Variants in CADM2 observed in about 807,000 individuals in gnomAD.
CADM2 encodes the protein cell adhesion molecule 2, also known as immunoglobulin superfamily member 4D.
A neutral mutation model predicts 49.8 loss-of-function variants in CADM2; 12 were observed. The observed-to-expected ratio is 0.24, with a 90% CI of 0.15 to 0.39. The LOEUF is 0.39. Ranked by LOEUF, CADM2 falls within the 10% of genes least tolerant of loss-of-function variation. The pLI is 1.00. For synonymous variants in CADM2, 214 were observed against 175.4 expected (o/e 1.22, Z -1.74); for missense variants, 378 against 492.3 (o/e 0.77, Z 2.20).
At chr3:85,181,578 A>G (rs964699065) in intron 1 of CADM2, among the ~76,000 whole-genome samples, 2 of 152,026 alleles carry the variant, frequency 1.3e-5, no homozygotes, top group African/African-American at 4.8e-5. Context: ...ACTTTTTGGA[A>G]AACTTTAGCG....
chr3:85,223,937 AT>A (rs531790088), intron 1 of CADM2, among the ~76,000 whole-genome samples: 1,598 of 152,052 alleles, frequency 0.011, 13 homozygotes, highest in Admixed American at 0.024. Flanking sequence ...TGAACTCATC[AT>A]TTTTTTATGG....
In CADM2 at chr3:85,164,380, C is replaced by T. The variant is rs562737391; in HGVS notation, c.61+204712C>T. 2.6e-5 allele frequency among the ~76,000 whole-genome samples: 4 copies of T among 152,102 alleles called. No homozygotes were observed. The East Asian group carries it at 7.7e-4, about 29-fold the overall frequency. On this transcript the variant is annotated intron_variant, in intron 1 of 9. Transcript: ENST00000383699. Reference sequence around the variant, plus strand: ...ATCCATATTTTCTGCCTCTGAGAGGCCTTAAAGAGAATTGTGAAAGATGTG... The same window carrying T: ...ATCCATATTTTCTGCCTCTGAGAGGTCTTAAAGAGAATTGTGAAAGATGTG...
intron 1 of CADM2, among the ~76,000 whole-genome samples, chr3:85,687,935 C>T (rs1265389951): frequency 3.9e-5 from 6 of 152,300 alleles, no homozygotes; most frequent in Non-Finnish European, 7.3e-5. Context: ...GCATTGGGTT[C>T]TCATAGGAGC....
intron 1 of CADM2, among the ~76,000 whole-genome samples, chr3:85,319,616 A>G (rs1034819533): frequency 4.9e-5 from 6 of 121,682 alleles, no homozygotes; most frequent in African/African-American, 2.1e-4. Flanking sequence ...TGCAGCCATA[A>G]AAAAATGAGA....
At chr3:85,030,770 C>A (rs1231373402) in intron 1 of CADM2, among the ~76,000 whole-genome samples, 1 of 152,118 alleles carries the variant, frequency 6.6e-6, no homozygotes, top group Admixed American at 6.5e-5. Flanking sequence ...CCTCCATTAC[C>A]CTGGTTTGTG....
chr3:85,242,978 A>G (rs1320010088), intron 1 of CADM2, among the ~76,000 whole-genome samples: 2 of 151,750 alleles, frequency 1.3e-5, no homozygotes, highest in Non-Finnish European at 3.0e-5. Context: ...TAACTCATGT[A>G]TTGTTGTATT....
At chr3:85,422,436 C>A (rs1030023307) in intron 1 of CADM2, among the ~76,000 whole-genome samples, 1 of 152,016 alleles carries the variant, frequency 6.6e-6, no homozygotes, top group Non-Finnish European at 1.5e-5. Context: ...TGCCACCACG[C>A]CCGGCTAATT....
At chr3:85,002,788 T>C (rs1233927095) in intron 1 of CADM2, among the ~76,000 whole-genome samples, 2 of 152,020 alleles carry the variant, frequency 1.3e-5, no homozygotes, top group African/African-American at 4.8e-5. Flanking sequence ...CTTTTTTTCT[T>C]TGTTTCTTTT....
chr3:85,286,862 G>A (rs1197701485), intron 1 of CADM2, among the ~76,000 whole-genome samples: 2 of 151,954 alleles, frequency 1.3e-5, no homozygotes, highest in Non-Finnish European at 2.9e-5. Context: ...ATAAAAGAGA[G>A]CAAATACAAG....
chr3:85,435,960 C>T (rs13092627), intron 1 of CADM2, among the ~76,000 whole-genome samples: 37,988 of 151,822 alleles, frequency 0.25, 4,913 homozygotes, highest in South Asian at 0.34. Flanking sequence ...ATTTTTCTCC[C>T]ATTCTGTAAG....
intron 8 of CADM2, among the ~76,000 whole-genome samples, chr3:86,034,323 C>T (rs1389660991): frequency 1.3e-5 from 2 of 151,876 alleles, no homozygotes; most frequent in Non-Finnish European, 2.9e-5. Flanking sequence ...GAAGGTGAAG[C>T]CTTTGGGAAC....
chr3:85,240,432 T>G (rs1180813130), intron 1 of CADM2, among the ~76,000 whole-genome samples: 1 of 151,518 alleles, frequency 6.6e-6, no homozygotes, highest in Non-Finnish European at 1.5e-5. Context: ...GTCATAATGA[T>G]TATTGCTCAT....
At chr3:85,382,282 A>G (rs941566927) in intron 1 of CADM2, among the ~76,000 whole-genome samples, 21 of 152,170 alleles carry the variant, frequency 1.4e-4, no homozygotes, top group Admixed American at 4.6e-4. Flanking sequence ...CTAGAACTCT[A>G]TGCTACAAAA....
intron 1 of CADM2, among the ~76,000 whole-genome samples, chr3:85,639,759 G>A (rs1409610374): frequency 6.6e-6 from 1 of 151,948 alleles, no homozygotes; most frequent in African/African-American, 2.4e-5. Context: ...AAAGTTTCAG[G>A]GCAGAGACAG....
At chr3:85,883,957 C>T (rs1713190095) in intron 4 of CADM2, among the ~76,000 whole-genome samples, 1 of 152,128 alleles carries the variant, frequency 6.6e-6, no homozygotes, top group African/African-American at 2.4e-5. Flanking sequence ...GTCTTCTCTC[C>T]TTTTGAAATT....
At chr3:85,244,854 T>C (rs2042611860) in intron 1 of CADM2, among the ~76,000 whole-genome samples, 1 of 152,240 alleles carries the variant, frequency 6.6e-6, no homozygotes, top group African/African-American at 2.4e-5. Flanking sequence ...GATCATTCTT[T>C]ACAAATCTAC....
intron 1 of CADM2, among the ~76,000 whole-genome samples, chr3:85,131,459 C>T (rs2039225838): frequency 6.6e-6 from 1 of 152,096 alleles, no homozygotes; most frequent in Non-Finnish European, 1.5e-5. Flanking sequence ...ACATAATAAA[C>T]CTCATTGACT....
chr3:85,467,337 A>C (rs570605713), intron 1 of CADM2, among the ~76,000 whole-genome samples: 13 of 152,308 alleles, frequency 8.5e-5, no homozygotes, highest in African/African-American at 3.1e-4. Context: ...TTTATTACCT[A>C]TTAAAATACT....
At chr3:85,146,297 G>C (rs2039738651) in intron 1 of CADM2, among the ~76,000 whole-genome samples, 1 of 151,886 alleles carries the variant, frequency 6.6e-6, no homozygotes, top group Non-Finnish European at 1.5e-5. Context: ...TTTGTATTAG[G>C]GTATAAATTA....
Sources: allele counts gnomAD v4.1 joint callset (sites outside exome capture counted in the v4.1 genomes callset), GRCh38; gene constraint gnomAD v4.1.1; transcripts MANE v1.5; gene names NCBI Gene and HGNC (gene_info 2026-07-23, HGNC 2026-07-21).